SNX29: variants seen among roughly 807,000 people sequenced by gnomAD.
The protein encoded by SNX29 is sorting nexin-29.
Under a neutral mutation model 102.1 loss-of-function variants are expected in SNX29, and 78 were observed. That is an observed-to-expected ratio of 0.76 (90% confidence interval 0.64 to 0.92). The LOEUF is 0.92. Among genes scored for constraint, SNX29 ranks in the 40% least tolerant of loss-of-function variants. The pLI is 0.00. For missense variants in SNX29, 1,280 were observed against 1,061.7 expected (o/e 1.21, Z -2.86); for synonymous variants, 580 against 414.5 (o/e 1.40, Z -4.85).
At chr16:12,017,861 G>T (rs2056896098) in intron 3 of SNX29, among the ~76,000 whole-genome samples, 1 of 151,974 alleles carries the variant, frequency 6.6e-6, no homozygotes, top group African/African-American at 2.4e-5. Flanking sequence ...TAGATAAAAT[G>T]CTTCCATATG....
chr16:12,032,908 G>A (rs2057383453), intron 4 of SNX29, among the ~76,000 whole-genome samples: 1 of 151,958 alleles, frequency 6.6e-6, no homozygotes, highest in African/African-American at 2.4e-5. Flanking sequence ...TGTCACCCAG[G>A]CTGGAGTGTG....
At chr16:12,364,162 T>TGTTATGTTATGTTAC (rs2082385897) in intron 16 of SNX29, among the ~76,000 whole-genome samples, 1 of 11,824 alleles carries the variant, frequency 8.5e-5, no homozygotes, top group Admixed American at 1.2e-3. Context: ...CTGGCTTGTT[T>TGTTATGTTATGTTAC]GTTATGTTAT....
intron 15 of SNX29, among the ~76,000 whole-genome samples, chr16:12,337,410 C>T (rs1282165502): frequency 2.0e-5 from 3 of 152,042 alleles, no homozygotes; most frequent in African/African-American, 4.8e-5. Context: ...GGTGCGATCT[C>T]GGTTCACCAC....
At chr16:12,394,679 A>G (rs2083656319) in intron 16 of SNX29, among the ~76,000 whole-genome samples, 1 of 152,176 alleles carries the variant, frequency 6.6e-6, no homozygotes, top group South Asian at 2.1e-4. Flanking sequence ...ATTATTGATC[A>G]GAATACCTCA....
chr16:12,114,283 G>C (rs996833437), intron 11 of SNX29, among the ~76,000 whole-genome samples: 4 of 152,188 alleles, frequency 2.6e-5, no homozygotes, highest in African/African-American at 9.6e-5. Flanking sequence ...TGGATCCCAG[G>C]GTTGGATGGT....
chr16:12,167,606 G>A (rs2076046700), intron 13 of SNX29, among the ~76,000 whole-genome samples: 1 of 152,148 alleles, frequency 6.6e-6, no homozygotes, highest in South Asian at 2.1e-4. Flanking sequence ...GATGACTGCA[G>A]CTCACATTTA....
At chr16:12,063,614 C>T (rs553952126) in intron 9 of SNX29, among the ~76,000 whole-genome samples, 7 of 151,994 alleles carry the variant, frequency 4.6e-5, no homozygotes, top group South Asian at 4.1e-4. Flanking sequence ...CCTGACCTCA[C>T]GTGATCCACC....
intron 15 of SNX29, among the ~76,000 whole-genome samples, chr16:12,329,201 C>G (rs745732690): frequency 2.9e-5 from 4 of 138,828 alleles, no homozygotes; most frequent in Non-Finnish European, 4.5e-5. Flanking sequence ...CTCTTGAGCC[C>G]AGGAGTTCAA....
At chr16:12,420,256 A>T (rs2084818194) in intron 18 of SNX29, among the ~76,000 whole-genome samples, 1 of 152,212 alleles carries the variant, frequency 6.6e-6, no homozygotes, top group Admixed American at 6.5e-5. Flanking sequence ...TGAATAGACA[A>T]CTGAAATGAA....
At chr16:12,532,210 T>C (rs937965069) in intron 20 of SNX29, among the ~76,000 whole-genome samples, 1 of 152,188 alleles carries the variant, frequency 6.6e-6, no homozygotes, top group Non-Finnish European at 1.5e-5. Context: ...TAAATACTAA[T>C]ATGTTTATGT....
At chr16:12,555,285 A>T (rs1271643258) in intron 20 of SNX29, among the ~76,000 whole-genome samples, 1 of 151,490 alleles carries the variant, frequency 6.6e-6, no homozygotes, top group Admixed American at 6.6e-5. Flanking sequence ...CCCAGAGAGC[A>T]GGGGTGCTGT....
intron 9 of SNX29, among the ~76,000 whole-genome samples, chr16:12,066,572 G>A (rs1224120015): frequency 6.6e-6 from 1 of 152,180 alleles, no homozygotes; most frequent in African/African-American, 2.4e-5. Context: ...TCGTCTTCAC[G>A]GAGGTGAGAA....
At chr16:12,329,276 CA>C (rs55968518) in intron 15 of SNX29, among the ~76,000 whole-genome samples, 10 of 88,846 alleles carry the variant, frequency 1.1e-4, no homozygotes, top group Admixed American at 4.5e-4. Flanking sequence ...GACCTTGTCT[CA>C]AAAAAAAAAA....
intron 14 of SNX29, among the ~76,000 whole-genome samples, chr16:12,236,906 G>C (rs1488457838): frequency 6.6e-6 from 1 of 152,216 alleles, no homozygotes; most frequent in African/African-American, 2.4e-5. Flanking sequence ...GTGAAGGTCA[G>C]CAAGTCGGTG....
At chr16:12,204,717 A>G (rs1222504615) in intron 14 of SNX29, among the ~76,000 whole-genome samples, 1 of 152,256 alleles carries the variant, frequency 6.6e-6, no homozygotes, top group Non-Finnish European at 1.5e-5. Context: ...GAAACAAGCA[A>G]AAAATTGGGA....
chr16:12,105,642 T>C (rs1490137337), intron 11 of SNX29, among the ~76,000 whole-genome samples: 2 of 152,158 alleles, frequency 1.3e-5, no homozygotes, highest in African/African-American at 2.4e-5. Flanking sequence ...CACTGGTGAC[T>C]CAGGTGATGC....
intron 2 of SNX29, among the ~76,000 whole-genome samples, chr16:12,002,497 T>TA (rs2056322916): frequency 6.6e-6 from 1 of 151,114 alleles, no homozygotes; most frequent in Non-Finnish European, 1.5e-5. Flanking sequence ...CCACCCTCAG[T>TA]AAATTGTCAT....
chr16:12,559,144 A>G (rs1360629175), intron 20 of SNX29, among the ~76,000 whole-genome samples: 1 of 151,870 alleles, frequency 6.6e-6, no homozygotes, highest in East Asian at 1.9e-4. Context: ...CTGGTCCCCA[A>G]CCCCTGGCCC....
intron 2 of SNX29, 25 bp from the exon 3 acceptor site, chr16:12,002,966 C>A (rs772812229): frequency 1.2e-6 from 2 of 1,614,122 alleles, no homozygotes; most frequent in East Asian, 2.2e-5. Context: ...AACAGCTGAT[C>A]TCAGCAGCTT....
Sources: gnomAD v4.1 joint callset for allele counts (sites outside exome capture counted in the v4.1 genomes callset) on GRCh38, gnomAD v4.1.1 for gene constraint, MANE v1.5 for transcripts, NCBI Gene and HGNC (gene_info 2026-07-23, HGNC 2026-07-21) for gene names.